The following CNTNAP2 variants were observed in gnomAD, a reference collection of about 807,000 sequenced individuals.
CNTNAP2 encodes the protein contactin associated protein 2.
In CNTNAP2, 98 loss-of-function variants were observed where a neutral mutation model predicts 155.2. The ratio of observed to expected loss-of-function variants is 0.63; its 90% CI spans 0.54 to 0.75. The LOEUF is 0.75. Among genes scored for constraint, CNTNAP2 ranks in the 30% least tolerant of loss-of-function variants. CNTNAP2 has a pLI of 0.00. For missense variants in CNTNAP2, 1,727 were observed against 1,688.1 expected (o/e 1.02, Z -0.40); for synonymous variants, 651 against 631.2 (o/e 1.03, Z -0.47).
intron 21 of CNTNAP2, among the ~76,000 whole-genome samples, chr7:148,284,226 CTTG>C (rs1024911721): frequency 9.4e-5 from 14 of 148,522 alleles, no homozygotes; most frequent in African/African-American, 3.6e-4. Flanking sequence ...ATAATTCCCA[CTTG>C]TTGTGGGAGG....
At chr7:148,055,703 C>G (rs543304219) in intron 15 of CNTNAP2, among the ~76,000 whole-genome samples, 1 of 152,108 alleles carries the variant, frequency 6.6e-6, no homozygotes, top group Admixed American at 6.5e-5. Context: ...CACAAAAAGA[C>G]TGTTTCAGCT....
At chr7:148,288,329 G>A (rs1178733466) in intron 21 of CNTNAP2, among the ~76,000 whole-genome samples, 1 of 151,506 alleles carries the variant, frequency 6.6e-6, no homozygotes, top group African/African-American at 2.4e-5. Context: ...TCAAACTCCT[G>A]ACTTCGTGAT....
At chr7:147,096,165 C>T (rs1800527610) in intron 4 of CNTNAP2, among the ~76,000 whole-genome samples, 1 of 152,172 alleles carries the variant, frequency 6.6e-6, no homozygotes, top group Non-Finnish European at 1.5e-5. Context: ...TTCAGATTTA[C>T]TATGATCCAT....
At chr7:146,790,449 C>T (rs1169296725) in intron 2 of CNTNAP2, among the ~76,000 whole-genome samples, 1 of 152,046 alleles carries the variant, frequency 6.6e-6, no homozygotes, top group Non-Finnish European at 1.5e-5. Flanking sequence ...GCTTTCAAAT[C>T]GTGGCCATCA....
chr7:147,891,957 G>A (rs1159981214), intron 13 of CNTNAP2, among the ~76,000 whole-genome samples: 1 of 152,082 alleles, frequency 6.6e-6, no homozygotes, highest in Non-Finnish European at 1.5e-5. Context: ...TATGAAGAAT[G>A]ATTTATCACA....
intron 1 of CNTNAP2, among the ~76,000 whole-genome samples, chr7:146,718,510 C>T (rs536407649): frequency 1.3e-5 from 2 of 151,906 alleles, no homozygotes; most frequent in Non-Finnish European, 2.9e-5. Context: ...TAAACCTTTT[C>T]TGTTTAATTA....
chr7:147,885,380 C>T (rs1014163639), intron 13 of CNTNAP2, among the ~76,000 whole-genome samples: 3 of 152,144 alleles, frequency 2.0e-5, no homozygotes, highest in East Asian at 1.9e-4. Context: ...GGCCCCAGCA[C>T]GTTGGGAAGA....
intron 14 of CNTNAP2, among the ~76,000 whole-genome samples, chr7:147,937,702 G>A (rs149354986): frequency 4.1e-4 from 62 of 152,180 alleles, no homozygotes; most frequent in Middle Eastern, 3.4e-3. Context: ...CAACTCCTGC[G>A]TGTCACTCAC....
intron 21 of CNTNAP2, among the ~76,000 whole-genome samples, chr7:148,360,034 G>A (rs546187164): frequency 1.3e-4 from 20 of 152,282 alleles, no homozygotes; most frequent in Admixed American, 1.0e-3. Context: ...AACCCCTTTA[G>A]AACATGGCAA....
intron 10 of CNTNAP2, among the ~76,000 whole-genome samples, chr7:147,408,600 T>C (rs1797050013): frequency 1.3e-5 from 2 of 151,848 alleles, no homozygotes; most frequent in African/African-American, 4.8e-5. Flanking sequence ...CTCTAAAAAA[T>C]ATAAAAAATT....
intron 13 of CNTNAP2, among the ~76,000 whole-genome samples, chr7:147,806,044 A>G (rs997261447): frequency 1.3e-5 from 2 of 152,212 alleles, no homozygotes; most frequent in African/African-American, 2.4e-5. Context: ...AAGGGAGACA[A>G]TCAACAAAGT....
chr7:146,325,072 C>A (rs1801073667), intron 1 of CNTNAP2, among the ~76,000 whole-genome samples: 1 of 151,994 alleles, frequency 6.6e-6, no homozygotes, highest in Non-Finnish European at 1.5e-5. Context: ...GTAGCTGCAA[C>A]CACAGGTGCA....
chr7:148,291,091 G>A (rs932341236), intron 21 of CNTNAP2, among the ~76,000 whole-genome samples: 1 of 151,632 alleles, frequency 6.6e-6, no homozygotes, highest in African/African-American at 2.4e-5. Flanking sequence ...ATGGTGCTGA[G>A]TCCTACAGAG....
At chr7:147,619,728 G>A in intron 12 of CNTNAP2, among the ~76,000 whole-genome samples, 1 of 152,186 alleles carries the variant, frequency 6.6e-6, no homozygotes, top group Non-Finnish European at 1.5e-5. Flanking sequence ...TGGCAACTCT[G>A]GACCTACCTG....
Position 147,280,158 on chromosome 7 carries a change from T to A in CNTNAP2, c.1349-19983T>A, listed in dbSNP as rs573627140. Among the ~76,000 whole-genome samples the A allele has an allele frequency of 3.5e-4, 53 of 152,046 alleles. No homozygotes were observed. The Middle Eastern group carries it at 0.01, about 29-fold the overall frequency. On this transcript the variant is annotated intron_variant, in intron 8 of 23. Transcript: ENST00000361727. ...GACATTACCAGAGTGGGAAAGCCGCTGTTTAAACAAAGAAGAAAATCAACA... is the reference window on the plus strand; with the variant it reads ...GACATTACCAGAGTGGGAAAGCCGCAGTTTAAACAAAGAAGAAAATCAACA...
At chr7:148,374,031 G>A (rs949907963) in intron 21 of CNTNAP2, among the ~76,000 whole-genome samples, 4 of 152,308 alleles carry the variant, frequency 2.6e-5, no homozygotes, top group Admixed American at 2.0e-4. Flanking sequence ...GACATGGAGC[G>A]TCAGTTAAGG....
intron 1 of CNTNAP2, among the ~76,000 whole-genome samples, chr7:146,436,701 C>G (rs986986968): frequency 6.8e-6 from 1 of 147,062 alleles, no homozygotes; most frequent in East Asian, 1.9e-4. Context: ...TTTTAAGAAC[C>G]TAACTTTAAT....
chr7:148,355,166 CTTTTTTTT>C (rs1167992306), intron 21 of CNTNAP2, among the ~76,000 whole-genome samples: 8 of 41,026 alleles, frequency 1.9e-4, no homozygotes, highest in East Asian at 8.1e-4. Flanking sequence ...CCGCCAGCTG[CTTTTTTTT>C]TTTTTTTTTT....
chr7:147,504,613 C>T (rs1461045940), intron 11 of CNTNAP2, among the ~76,000 whole-genome samples: 4 of 150,110 alleles, frequency 2.7e-5, no homozygotes, highest in Non-Finnish European at 3.0e-5. Flanking sequence ...CACTTGAACC[C>T]GGGAGGCAGA....
Sources: gnomAD v4.1 joint callset for allele counts (sites outside exome capture counted in the v4.1 genomes callset) on GRCh38, gnomAD v4.1.1 for gene constraint, MANE v1.5 for transcripts, NCBI Gene and HGNC (gene_info 2026-07-23, HGNC 2026-07-21) for gene names.